CMYA5: variants seen among roughly 807,000 people sequenced by gnomAD.
The protein encoded by CMYA5 is cardiomyopathy-associated protein 5.
A neutral mutation model predicts 318.9 loss-of-function variants in CMYA5; 246 were observed. The ratio of observed to expected loss-of-function variants is 0.77; its 90% CI spans 0.70 to 0.86. CMYA5 has a LOEUF of 0.86. Among genes scored for constraint, CMYA5 ranks in the 40% least tolerant of loss-of-function variants. The pLI, the probability that CMYA5 is intolerant of heterozygous loss-of-function variation, is 0.00. For synonymous variants in CMYA5, 1,641 were observed against 1,729.5 expected (o/e 0.95, Z 1.27); for missense variants, 4,589 against 4,678.2 (o/e 0.98, Z 0.56).
In CMYA5 at chr5:79,724,395, A is replaced by G. The variant is rs527933312; in HGVS notation, c.150-4520A>G. 2.0e-5 allele frequency among the ~76,000 whole-genome samples: 3 copies of G among 152,352 alleles called. No individual in the cohort carries two copies. The East Asian group carries it at 5.8e-4, about 29-fold the overall frequency. ...AAACTGCCTTAGCAAATAGGAATAG[A>G]AGGAAACTTCCTTCATCAGATGAGG... On this transcript the variant is annotated intron_variant, in intron 1 of 12. Coordinates refer to ENST00000446378, the MANE Select transcript of CMYA5 (RefSeq NM_153610.5).
chr5:79,742,444 C>T (rs1828235121), intron 2 of CMYA5, among the ~76,000 whole-genome samples: 1 of 152,158 alleles, frequency 6.6e-6, no homozygotes, highest in African/African-American at 2.4e-5. Context: ...ACCTAGGCCT[C>T]CCAAAGTGCT....
chr5:79,756,276 G>A (rs1208763621), intron 6 of CMYA5, among the ~76,000 whole-genome samples: 4 of 152,120 alleles, frequency 2.6e-5, no homozygotes, highest in Non-Finnish European at 4.4e-5. Context: ...CATGCAGTTC[G>A]CTCCTCAGGT....
chr5:79,737,543 C>A lies in CMYA5; in HGVS notation c.8778C>A (p.Asp2926Glu). The A allele has an allele frequency of 6.2e-7, 1 of 1,613,622 alleles. No individual in the cohort carries two copies. Among genetic ancestry groups the A allele is most frequent in the Non-Finnish European group, 8.5e-7 (1 of 1,179,762 alleles). ...AAGACACATATGCAAAAGGTGAAGA[C>A]TTTACAGTGACTAGTAAGCCAGCCG... ...EPEDTYAKGE[D>E]FTVTSKPAGL... is the part of the protein sequence containing the mutation. The change falls in exon 2 of 13, where the codon GAC (aspartate) becomes GAA (glutamate). Residue 2926 changes from aspartate to glutamate, a missense_variant. Asp to Glu is a conservative substitution (Grantham distance 45). Transcript: ENST00000446378.
rs2151100202 is a variant in CMYA5, at chr5:79,788,944, A to T, written c.11556-27A>T. The T allele has an allele frequency of 1.9e-6, 3 of 1,606,970 alleles. No homozygotes were observed. The East Asian group carries it at 6.7e-5, about 36-fold the overall frequency. On this transcript the variant is annotated intron_variant, in intron 9 of 12. Transcript: ENST00000446378. ...CATTTAGCATGTGGCATTATGTTTA[A>T]AATTATTATTTTCCTCTTGTATTTA... is the stretch of plus-strand genomic sequence containing the variant.
Position 79,738,547 on chromosome 5 carries a change from G to T in CMYA5, c.9782G>T (p.Gly3261Val). Residue 3261 changes from glycine (G) to valine (V), a missense_variant, in exon 2 of 13, where the codon GGT (glycine) becomes GTT (valine). Physicochemically the swap from Gly to Val is moderately radical, Grantham distance 109. Coordinates refer to ENST00000446378, the MANE Select transcript of CMYA5 (RefSeq NM_153610.5). ...TSLTQKDQGQGLEEKRVGKDD... is the reference protein window; with the variant it reads ...TSLTQKDQGQVLEEKRVGKDD... ...CTAACTCAAAAGGACCAGGGCCAAG[G>T]TCTGGAAGAAAAACGAGTTGGTAAG... The T allele has an allele frequency of 6.2e-7, 1 of 1,613,426 alleles. No individual in the cohort carries two copies. The highest frequency in any genetic ancestry group is 8.5e-7 in the Non-Finnish European group (1 of 1,179,870).
Position 79,737,524 on chromosome 5 carries a change from CAT to C in CMYA5, c.8762_8763del (p.Tyr2921CysfsTer4). 6.2e-7 allele frequency: 1 copy of C among 1,613,466 alleles called. No homozygotes were observed. Among genetic ancestry groups the C allele is most frequent in the Non-Finnish European group, 8.5e-7 (1 of 1,179,706 alleles). On this transcript the variant is annotated frameshift_variant, in exon 2 of 13. Transcript: ENST00000446378. LOFTEE classifies it high-confidence loss of function. ...GAAATGCCCAAGGAACCTGAAGACA[CAT>C]ATGCAAAAGGTGAAGACTTTACAGT...
Position 79,736,013 on chromosome 5 carries a change from A to T in CMYA5, c.7248A>T (p.Glu2416Asp). The T allele has an allele frequency of 6.2e-7, 1 of 1,613,178 alleles. No individual in the cohort carries two copies. The highest frequency in any genetic ancestry group is 8.5e-7 in the Non-Finnish European group (1 of 1,179,670). The change falls in exon 2 of 13, where the codon GAA becomes GAT. Residue 2416 changes from glutamate (E) to aspartate (D), a missense_variant. By Grantham distance (45) the Glu-to-Asp change is conservative. Around this residue, in one of 3 missense-constraint regions of CMYA5, gnomAD observed 2,431 missense variants for 2,495.1 expected, o/e 0.97. Coordinates refer to ENST00000446378, the MANE Select transcript of CMYA5 (RefSeq NM_153610.5). The stretch of plus-strand genomic sequence containing the variant: ...AGTCAATTATTTTGCCAGTAGAAGA[A>T]TCAAAAGGCAGTTTAATTGATTTCA... Reference protein sequence around the residue: ...KPESIILPVEESKGSLIDFSE... With the variant: ...KPESIILPVEDSKGSLIDFSE...
intron 1 of CMYA5, among the ~76,000 whole-genome samples, chr5:79,720,689 G>C (rs191672399): frequency 1.5e-4 from 23 of 152,250 alleles, no homozygotes; most frequent in Non-Finnish European, 2.9e-4. Flanking sequence ...GCTGGCCTCG[G>C]CCTCCCAAAG....
chr5:79,789,005 G>T lies in CMYA5; in HGVS notation c.11590G>T (p.Val3864Phe). The change falls in exon 10 of 13, where the codon GTT (valine) becomes TTT (phenylalanine). Residue 3864 changes from valine (V) to phenylalanine (F), a missense_variant. By Grantham distance (50) the Val-to-Phe change is conservative. This residue lies in a region of CMYA5 where 2,431 missense variants were observed against 2,495.1 expected (regional missense o/e 0.97). Coordinates refer to ENST00000446378, the MANE Select transcript of CMYA5 (RefSeq NM_153610.5). ...FSGIKGLQLK[V>F]NLQPNDNYFF... is the part of the protein sequence containing the mutation. ...TGGAATCAAAGGACTCCAGCTGAAA[G>T]TTAACCTCCAACCCAATGATAACTA... 6.2e-7 allele frequency: 1 copy of T among 1,613,906 alleles called. No homozygotes were observed. Among genetic ancestry groups the T allele is most frequent in the Non-Finnish European group, 8.5e-7 (1 of 1,179,822 alleles).
chr5:79,796,584 A>G (rs890869940), intron 12 of CMYA5, among the ~76,000 whole-genome samples: 10 of 152,182 alleles, frequency 6.6e-5, no homozygotes, highest in Admixed American at 6.5e-4. Context: ...TATTTTTAGT[A>G]GAAACAGATT....
chr5:79,752,618 A>T, intron 5 of CMYA5, 58 bp from the exon 6 acceptor site: 1 of 1,278,212 alleles, frequency 7.8e-7, no homozygotes, highest in Non-Finnish European at 1.1e-6. Flanking sequence ...AATTTTTTTC[A>T]CTTTCATTCT....
chr5:79,786,623 A>T (rs1298516220), intron 9 of CMYA5, among the ~76,000 whole-genome samples: 1 of 152,236 alleles, frequency 6.6e-6, no homozygotes, highest in African/African-American at 2.4e-5. Flanking sequence ...TTCTAAAATT[A>T]AAAAAATCAT....
intron 1 of CMYA5, among the ~76,000 whole-genome samples, chr5:79,690,909 A>G (rs943338137): frequency 1.3e-5 from 2 of 152,228 alleles, no homozygotes; most frequent in Admixed American, 6.5e-5. Flanking sequence ...CAAAGCCAGC[A>G]GAGCCGATGT....
intron 9 of CMYA5, among the ~76,000 whole-genome samples, chr5:79,765,897 G>A (rs1424690775): frequency 6.6e-6 from 1 of 152,136 alleles, no homozygotes; most frequent in Non-Finnish European, 1.5e-5. Context: ...AGGCTGAGAT[G>A]ATGGGGTTTT....
In CMYA5 at chr5:79,738,800, C is replaced by T. The variant is rs1828146644; in HGVS notation, c.10035C>T (p.Thr3345=). The change falls in exon 2 of 13, where the codon ACC becomes ACT. Residue 3345 remains threonine (T), a synonymous_variant. Transcript: ENST00000446378. ...KISYAVPFED[T]HHVLERADEA... Reference sequence around the variant, plus strand: ...GTTATGCGGTTCCATTTGAAGACACCCATCATGTTCTGGAGCGTGCAGATG... The same window carrying T: ...GTTATGCGGTTCCATTTGAAGACACTCATCATGTTCTGGAGCGTGCAGATG... 6.2e-7 allele frequency: 1 copy of T among 1,613,804 alleles called. No homozygotes were observed. The highest frequency in any genetic ancestry group is 2.2e-5 in the East Asian group (1 of 44,864).
intron 6 of CMYA5, 62 bp downstream of exon 6, chr5:79,752,856 G>A: frequency 1.7e-6 from 2 of 1,173,314 alleles, no homozygotes; most frequent in Non-Finnish European, 2.5e-6. Context: ...TGTTTGTTTT[G>A]TATGTAATGA....
Position 79,730,140 on chromosome 5 carries a change from G to A in CMYA5, c.1375G>A (p.Asp459Asn), listed in dbSNP as rs764543245. Residue 459 changes from aspartate to asparagine, a missense_variant, in exon 2 of 13, where the codon GAC becomes AAC. Asp to Asn is a conservative substitution (Grantham distance 23). This residue lies in a region of CMYA5 where 2,132 missense variants were observed against 2,131.3 expected (regional missense o/e 1.00). Transcript: ENST00000446378. The stretch of plus-strand genomic sequence containing the variant: ...TTTGGACCCAGACCAAGAACAGCCG[G>A]ACCTGACTTCAATAGAAAGGGCAGA... ...DGLDPDQEQP[D>N]LTSIERAEPV... is the part of the protein sequence containing the mutation. 8 of 1,613,694 alleles carry A rather than the reference G, an allele frequency of 5.0e-6. No homozygotes were observed. In the East Asian group the frequency reaches 1.8e-4, roughly 36 times the overall value.
Position 79,734,444 on chromosome 5 carries a change from C to T in CMYA5, c.5679C>T (p.Asn1893=), listed in dbSNP as rs1395778053. The change falls in exon 2 of 13, where the codon AAC becomes AAT. Residue 1893 remains asparagine (N), a synonymous_variant. Transcript: ENST00000446378. ...EEFFISPKDE[N]WMLGKPENVA... Reference sequence around the variant, plus strand: ...TCTTTATTTCTCCAAAGGATGAAAACTGGATGTTGGGAAAGCCAGAAAATG... The same window carrying T: ...TCTTTATTTCTCCAAAGGATGAAAATTGGATGTTGGGAAAGCCAGAAAATG... The T allele has an allele frequency of 6.2e-7, 1 of 1,613,664 alleles. No individual in the cohort carries two copies. The highest frequency in any genetic ancestry group is 8.5e-7 in the Non-Finnish European group (1 of 1,179,794).
intron 1 of CMYA5, among the ~76,000 whole-genome samples, chr5:79,698,861 T>TA (rs1263586457): frequency 1.3e-5 from 2 of 152,176 alleles, no homozygotes; most frequent in African/African-American, 2.4e-5. Flanking sequence ...AGGGGCCTAA[T>TA]AAGTGGTGGT....
Sources: gnomAD v4.1 joint callset for allele counts (sites outside exome capture counted in the v4.1 genomes callset) on GRCh38, gnomAD v4.1.1 for gene constraint, gnomAD v4.1.1 regional missense constraint, MANE v1.5 for transcripts, NCBI Gene and HGNC (gene_info 2026-07-23, HGNC 2026-07-21) for gene names.